PSG1: variants seen among roughly 807,000 people sequenced by gnomAD.
PSG1 encodes pregnancy-specific beta-1-glycoprotein 1.
In PSG1, 60 loss-of-function variants were observed where a neutral mutation model predicts 41.4. That is an observed-to-expected ratio of 1.45 (90% CI 1.18 to 1.80). The LOEUF is 1.80. Ranked by LOEUF, PSG1 falls within the 40% of genes most tolerant of loss-of-function variation. The pLI, the probability that PSG1 is intolerant of heterozygous loss-of-function variation, is 0.00. For missense variants in PSG1, 806 were observed against 516.9 expected (o/e 1.56, Z -5.42); for synonymous variants, 256 against 192.9 (o/e 1.33, Z -2.71).
intron 2 of PSG1, among the ~76,000 whole-genome samples, chr19:42,874,709 G>A (rs1971532694): frequency 6.6e-6 from 1 of 151,508 alleles, no homozygotes. Context: ...TGTTAGAACC[G>A]AGTGACAAAT....
At chr19:42,876,531 C>T (rs1343278805) in intron 2 of PSG1, among the ~76,000 whole-genome samples, 3 of 151,268 alleles carry the variant, frequency 2.0e-5, no homozygotes, top group Admixed American at 6.6e-5. Context: ...CATTCCATTC[C>T]TTCATTTGTC....
chr19:42,874,916 G>A (rs1043819188), intron 2 of PSG1, among the ~76,000 whole-genome samples: 83 of 151,718 alleles, frequency 5.5e-4, no homozygotes, highest in African/African-American at 1.5e-3. Flanking sequence ...TTTTTACTTA[G>A]CGTTAGAAAC....
chr19:42,878,368 T>C, intron 1 of PSG1, 90 bp from the exon 2 acceptor site: 1 of 1,486,944 alleles, frequency 6.7e-7, no homozygotes, highest in Non-Finnish European at 9.0e-7. Context: ...GTCTCTTCAG[T>C]CCTCAGCCTT....
intron 2 of PSG1, among the ~76,000 whole-genome samples, chr19:42,877,656 A>G (rs1971666477): frequency 6.6e-6 from 1 of 151,590 alleles, no homozygotes. Context: ...GCTGAGACTG[A>G]TCTCCTCCTG....
In PSG1 at chr19:42,878,026, G is replaced by A. The variant is rs955870473; in HGVS notation, c.317C>T (p.Ser106Phe). ...CCGGGTGACATTCTGGATCAGCAGG[G>A]ATGCATTGGAATATGCTGTTTCTCG... ...SGRETAYSNA[S>F]LLIQNVTRED... The change falls in exon 2 of 6, where the codon TCC becomes TTC. Residue 106 changes from serine (S) to phenylalanine (F), a missense_variant. Coordinates refer to ENST00000436291, the MANE Select transcript of PSG1 (RefSeq NM_001184825.2). 69 of 1,612,306 alleles carry A rather than the reference G, an allele frequency of 4.3e-5. 2 individuals are homozygous for A. Among genetic ancestry groups the A allele is most frequent in the South Asian group, 1.1e-5 (1 of 90,844 alleles).
At chr19:42,875,142 A>G (rs1284759291) in intron 2 of PSG1, among the ~76,000 whole-genome samples, 1 of 151,766 alleles carries the variant, frequency 6.6e-6, no homozygotes, top group Admixed American at 6.6e-5. Context: ...GGCTGACTCC[A>G]TCTGGCATCT....
chr19:42,868,359 G>C lies in PSG1; in HGVS notation c.989-4C>G, dbSNP rs749828205. The C allele has an allele frequency of 8.7e-6, 14 of 1,604,408 alleles. No individual in the cohort carries two copies. The highest frequency in any genetic ancestry group is 1.1e-5 in the South Asian group (1 of 89,988). On this transcript the variant is annotated splice_region_variant and splice_polypyrimidine_tract_variant and intron_variant, in intron 4 of 5. Coordinates refer to ENST00000436291, the MANE Select transcript of PSG1 (RefSeq NM_001184825.2). ...ATTCTGGGGAGGTCTGGACCATCTG[G>C]AGCAAAGAGAATAAAGCCACAGGTG...
At chr19:42,879,124 C>G (rs1042083398) in intron 1 of PSG1, among the ~76,000 whole-genome samples, 6 of 150,858 alleles carry the variant, frequency 4.0e-5, no homozygotes, top group African/African-American at 1.5e-4. Context: ...TATCCAGGCT[C>G]CAACAGAGCC....
chr19:42,872,325 G>T (rs1328485067), intron 2 of PSG1, among the ~76,000 whole-genome samples: 3 of 151,584 alleles, frequency 2.0e-5, no homozygotes, highest in Non-Finnish European at 2.9e-5. Flanking sequence ...ACAGCCCCTG[G>T]TGCCTCTGTG....
rs139530803 is a variant in PSG1, at chr19:42,875,603, C to T, written c.430+2310G>A. On this transcript the variant is annotated intron_variant, in intron 2 of 5. Coordinates refer to ENST00000436291, the MANE Select transcript of PSG1 (RefSeq NM_001184825.2). The stretch of plus-strand genomic sequence containing the variant: ...AGATTCAAGCACAAACAGATCATGT[C>T]CCCCTGCCCCCATGATTCCATCACC... 4.3e-3 allele frequency among the ~76,000 whole-genome samples: 654 copies of T among 151,502 alleles called. 19 individuals are homozygous for T. The highest frequency in any genetic ancestry group is 0.017 in the Middle Eastern group (5 of 292).
intron 1 of PSG1, 186 bp from the exon 2 acceptor site, chr19:42,878,464 G>A: frequency 2.8e-6 from 3 of 1,082,340 alleles, no homozygotes; most frequent in Non-Finnish European, 3.9e-6. Context: ...GTGTATGTGT[G>A]TGTGTCCTAC....
At chr19:42,870,627 A>C (rs974409445) in intron 3 of PSG1, 4 of 151,624 alleles carry the variant, frequency 2.6e-5, no homozygotes, top group African/African-American at 7.3e-5. Flanking sequence ...GTGTTTTCTA[A>C]TTCTGCAAAA....
At position 42,878,175 on chromosome 19, in the gene PSG1, G is replaced by T. The variant is rs1417063866; in HGVS notation, c.168C>A (p.His56Gln). Residue 56 changes from histidine (H) to glutamine (Q), a missense_variant, in exon 2 of 6, where the codon CAC (histidine) becomes CAA (glutamine). His to Gln is a conservative substitution (Grantham distance 24). Coordinates refer to ENST00000436291, the MANE Select transcript of PSG1 (RefSeq NM_001184825.2). ...SEGKDVLLLV[H>Q]NLPQNLTGYI... ...AGCCGGTAAGATTCTGGGGCAAATT[G>T]TGGACAAGTAGAAGAACATCCTTCC... 3 of 1,612,156 alleles carry T rather than the reference G, an allele frequency of 1.9e-6. No individual in the cohort carries two copies. The highest frequency in any genetic ancestry group is 2.5e-6 in the Non-Finnish European group (3 of 1,179,190).
rs1473121216 is a variant in PSG1 at position 42,872,132 on chromosome 19, C to T, written c.431-87G>A. On this transcript the variant is annotated intron_variant, in intron 2 of 5. Coordinates refer to ENST00000436291, the MANE Select transcript of PSG1 (RefSeq NM_001184825.2). The stretch of plus-strand genomic sequence containing the variant: ...TTTCAATCAGAATTGGCATTTCCCA[C>T]CTCTCAGCCCACCCAAGTCCTTAAA... The T allele has an allele frequency of 1.1e-5, 17 of 1,515,868 alleles. 1 individual carries two copies. The highest frequency in any genetic ancestry group is 1.3e-5 in the Non-Finnish European group (15 of 1,123,230). The allele number at this position is 1,515,868 out of a possible 1,614,324, so 93.9% of individuals were successfully genotyped here.
At chr19:42,879,282 A>G (rs1487936757) in intron 1 of PSG1, among the ~76,000 whole-genome samples, 1 of 150,488 alleles carries the variant, frequency 6.6e-6, no homozygotes, top group Non-Finnish European at 1.5e-5. Context: ...CCTCCCGAGT[A>G]GCTAGGATTA....
rs769079228 is a variant in PSG1 at position 42,878,265 on chromosome 19, G to A, written c.78C>T (p.Asn26=). 1.2e-6 allele frequency: 2 copies of A among 1,607,402 alleles called. No individual in the cohort carries two copies. Among genetic ancestry groups the A allele is most frequent in the South Asian group, 1.1e-5 (1 of 89,650 alleles). Residue 26 remains asparagine, a synonymous_variant, in exon 2 of 6, where the codon AAC becomes AAT. Coordinates refer to ENST00000436291, the MANE Select transcript of PSG1 (RefSeq NM_001184825.2). ...KGLLLTASLL[N]FWNLPTTAQV... ...GGGCAGTGGTGGGCAGGTTCCAGAA[G>A]TTTAAAAGTGATGCTAGGAGGTGGA...
rs1182879865 is a variant in PSG1, at chr19:42,868,660, T to A, written c.988+96A>T. The A allele has an allele frequency of 3.8e-6, 6 of 1,575,760 alleles. 1 individual carries two copies. The African/African-American group carries it at 4.1e-5, about 11-fold the overall frequency. ...GCTCCGATGTCCAGAAGTAAAGGTG[T>A]CTATACTTGGACCGGAGAGAGACTG... On this transcript the variant is annotated intron_variant, in intron 4 of 5. Transcript: ENST00000436291.
chr19:42,870,337 T>G (rs1426801912), intron 3 of PSG1: 3 of 151,762 alleles, frequency 2.0e-5, no homozygotes, highest in Non-Finnish European at 4.4e-5. Context: ...GCATTTCTTT[T>G]CAGCATCAGA....
intron 2 of PSG1, among the ~76,000 whole-genome samples, chr19:42,873,624 C>T (rs1210174162): frequency 6.6e-6 from 1 of 151,628 alleles, no homozygotes; most frequent in Non-Finnish European, 1.5e-5. Flanking sequence ...GCCGTGAATT[C>T]CAGCAGGATC....
Sources: allele counts gnomAD v4.1 joint callset (sites outside exome capture counted in the v4.1 genomes callset), GRCh38; gene constraint gnomAD v4.1.1; transcripts MANE v1.5; gene names NCBI Gene and HGNC (gene_info 2026-07-23, HGNC 2026-07-21).